Variants in ZNF592 observed in about 807,000 individuals in gnomAD.
The protein encoded by ZNF592 is spinocerebellar ataxia, autosomal recessive 5.
A neutral mutation model predicts 80.3 loss-of-function variants in ZNF592; 11 were observed. The observed-to-expected ratio is 0.14, with a 90% confidence interval of 0.09 to 0.23. ZNF592 has a LOEUF of 0.23. ZNF592 is among the 10% of genes least tolerant of loss of function. The probability of loss-of-function intolerance (pLI) is 1.00; values close to 1 mark genes in which losing one functional copy is unlikely to be tolerated. For synonymous variants in ZNF592, 646 were observed against 640.3 expected (o/e 1.01, Z -0.13); for missense variants, 1,420 against 1,633.9 (o/e 0.87, Z 2.26).
intron 5 of ZNF592, among the ~76,000 whole-genome samples, chr15:84,792,495 G>C (rs940686791): frequency 6.6e-6 from 1 of 152,174 alleles, no homozygotes; most frequent in Non-Finnish European, 1.5e-5. Context: ...CTGTCACCCA[G>C]GCTGGAGGGC....
At chr15:84,771,918 T>G (rs1313739386) in intron 2 of ZNF592, among the ~76,000 whole-genome samples, 1 of 152,148 alleles carries the variant, frequency 6.6e-6, no homozygotes, top group Non-Finnish European at 1.5e-5. Flanking sequence ...CAGTTAATTT[T>G]TATGTAGAAA....
chr15:84,799,264 G>A lies in ZNF592; in HGVS notation c.3137+54G>A, dbSNP rs997095600. 8.5e-6 allele frequency: 13 copies of A among 1,532,816 alleles called. No individual in the cohort carries two copies. Among genetic ancestry groups the A allele is most frequent in the East Asian group, 4.5e-5 (2 of 44,524 alleles). The allele number at this position is 1,532,816 out of a possible 1,614,324, so 95.0% of individuals were successfully genotyped here. On this transcript the variant is annotated intron_variant, in intron 9 of 10. Coordinates refer to ENST00000560079, the MANE Select transcript of ZNF592 (RefSeq NM_014630.3). This position sits in a 1 kb window ranked among gnomAD's most constrained non-coding sequence, Gnocchi z 4.2. ...GCCTGAGGTTCAAAAGACTCTGTCCGTGGCACCACTGGGGCTTTTCTGTGC... is the reference window on the plus strand; with the variant it reads ...GCCTGAGGTTCAAAAGACTCTGTCCATGGCACCACTGGGGCTTTTCTGTGC...
At chr15:84,791,008 A>G in intron 5 of ZNF592, 125 bp downstream of exon 5, 1 of 1,033,254 alleles carries the variant, frequency 9.7e-7, no homozygotes, top group Non-Finnish European at 1.5e-6. Flanking sequence ...GGACAAGAGC[A>G]TTGGATGGTA....
At chr15:84,776,126 A>G (rs911750499) in intron 2 of ZNF592, among the ~76,000 whole-genome samples, 5 of 152,160 alleles carry the variant, frequency 3.3e-5, no homozygotes, top group African/African-American at 7.2e-5. Flanking sequence ...GTTCTAGATC[A>G]CTCAGTGAGC....
chr15:84,786,921 G>A (rs975997683), intron 4 of ZNF592, among the ~76,000 whole-genome samples: 1 of 146,330 alleles, frequency 6.8e-6, no homozygotes, highest in African/African-American at 2.6e-5. Flanking sequence ...TGCGATCTCG[G>A]CCCACTGCAG....
Position 84,797,850 on chromosome 15 carries a change from C to T in ZNF592, c.2400-19C>T. ...TCCCTATACTCCACCCACACTCACA[C>T]TACCCCACTTCTGTCTAGGTGCATC... On this transcript the variant is annotated intron_variant, in intron 5 of 10. Transcript: ENST00000560079. The T allele has an allele frequency of 1.9e-6, 3 of 1,614,204 alleles. No homozygotes were observed. The highest frequency in any genetic ancestry group is 1.6e-4 in the Middle Eastern group (1 of 6,062).
At chr15:84,757,450 A>G (rs975286057) in intron 1 of ZNF592, among the ~76,000 whole-genome samples, 1 of 151,440 alleles carries the variant, frequency 6.6e-6, no homozygotes, top group African/African-American at 2.4e-5. Flanking sequence ...GGCTCAAACA[A>G]TCCTTACACC....
At chr15:84,790,508 C>T (rs1393234966) in intron 4 of ZNF592, among the ~76,000 whole-genome samples, 197 bp from the exon 5 acceptor site, 2 of 152,130 alleles carry the variant, frequency 1.3e-5, no homozygotes, top group Admixed American at 6.5e-5. Flanking sequence ...GGGTGTCAGA[C>T]AAAGCTTGCT....
chr15:84,784,610 C>T lies in ZNF592; in HGVS notation c.1935C>T (p.Val645=). 4 of 1,614,222 alleles carry T rather than the reference C, an allele frequency of 2.5e-6. No individual in the cohort carries two copies. Among genetic ancestry groups the T allele is most frequent in the African/African-American group, 2.7e-5 (2 of 75,052 alleles). ...GTGACCACAAGAGCAAGGGGCTCGT[C>T]ATGCAGTGTTCCCAGCTGCTGGTGA... is the stretch of plus-strand genomic sequence containing the variant. ...HARDHKSKGL[V]MQCSQLLVKP... The change falls in exon 4 of 11, where the codon GTC becomes GTT. Residue 645 remains valine, a synonymous_variant. Transcript: ENST00000560079. The surrounding 1 kb of genome is among the most constrained non-coding windows in gnomAD (Gnocchi z 5.8).
At chr15:84,789,865 A>C (rs931722020) in intron 4 of ZNF592, among the ~76,000 whole-genome samples, 1 of 152,164 alleles carries the variant, frequency 6.6e-6, no homozygotes. Flanking sequence ...GAAGTTAAGA[A>C]GGGCCTCTCC....
At chr15:84,800,413 T>C (rs1963057761) in intron 10 of ZNF592, among the ~76,000 whole-genome samples, 1 of 152,196 alleles carries the variant, frequency 6.6e-6, no homozygotes, top group Non-Finnish European at 1.5e-5. Context: ...CCTTCTATCC[T>C]GGCCCCTTGC....
chr15:84,764,894 T>C (rs1333022134), intron 2 of ZNF592, 79 bp downstream of exon 2: 1 of 291,324 alleles, frequency 3.4e-6, no homozygotes, highest in East Asian at 4.3e-5. Flanking sequence ...CCCTGGATTT[T>C]GTTTTGTTTT....
rs1474770726 is a variant in ZNF592, at chr15:84,784,751, C to G, written c.2076C>G (p.Pro692=). The part of the protein sequence containing the change: ...KHGLTSGSAS[P]PPPALPLYPD... ...GCCTCACTTCGGGCAGTGCCAGTCC[C>G]CCTCCTCCAGCCTTGCCACTCTACC... The change falls in exon 4 of 11, where the codon CCC becomes CCG. Residue 692 remains proline, a synonymous_variant. Transcript: ENST00000560079. This position sits in a 1 kb window ranked among gnomAD's most constrained non-coding sequence, Gnocchi z 5.8. 3 of 1,614,034 alleles carry G rather than the reference C, an allele frequency of 1.9e-6. No homozygotes were observed. In the African/African-American group the frequency reaches 4.0e-5, roughly 22 times the overall value.
intron 2 of ZNF592, among the ~76,000 whole-genome samples, chr15:84,777,475 C>CAAAAAAA (rs549871970): frequency 1.8e-5 from 1 of 55,118 alleles, no homozygotes; most frequent in Non-Finnish European, 3.6e-5. Context: ...GACTCCGTCT[C>CAAAAAAA]AAAAAAAAAA....
intron 2 of ZNF592, among the ~76,000 whole-genome samples, chr15:84,775,084 GTTTTC>G (rs1567065343): frequency 6.6e-6 from 1 of 151,328 alleles, no homozygotes; most frequent in African/African-American, 2.4e-5. Context: ...CCTGGCCACT[GTTTTC>G]TTTTTCTTTT....
chr15:84,790,499 G>A (rs1388176428), intron 4 of ZNF592, among the ~76,000 whole-genome samples: 1 of 152,166 alleles, frequency 6.6e-6, no homozygotes, highest in Non-Finnish European at 1.5e-5. Context: ...TGATTAATAG[G>A]GTGTCAGACA....
rs367732184 is a variant in ZNF592 at position 84,784,545 on chromosome 15, C to T, written c.1870C>T (p.Leu624=). 1 of 1,614,108 alleles carries T rather than the reference C, an allele frequency of 6.2e-7. No individual in the cohort carries two copies. Among genetic ancestry groups the T allele is most frequent in the African/African-American group, 1.3e-5 (1 of 74,936 alleles). The change falls in exon 4 of 11, where the codon CTG becomes TTG. Residue 624 remains leucine (L), a synonymous_variant. Coordinates refer to ENST00000560079, the MANE Select transcript of ZNF592 (RefSeq NM_014630.3). This position sits in a 1 kb window ranked among gnomAD's most constrained non-coding sequence, Gnocchi z 5.8. ...ACTGTGCACACTGTGCTCCAAGACG[C>T]TGCTCTTCTTCAACAAGTGCAGCCT... ...EVLCTLCSKT[L]LFFNKCSLLR...
intron 2 of ZNF592, among the ~76,000 whole-genome samples, chr15:84,767,859 TTTTA>T (rs1162275043): frequency 6.6e-6 from 1 of 150,496 alleles, no homozygotes; most frequent in Non-Finnish European, 1.5e-5. Context: ...TTTTCTTTTT[TTTTA>T]TTTGTTTCTT....
At position 84,805,408 on chromosome 15, in the gene ZNF592, A is replaced by G. The variant is rs1304495531; in HGVS notation, c.*3015A>G. The G allele has an allele frequency of 2.0e-5, 3 of 152,470 alleles. No individual in the cohort carries two copies. Among genetic ancestry groups the G allele is most frequent in the Non-Finnish European group, 4.4e-5 (3 of 68,042 alleles). The allele number at this position is 152,470 out of a possible 1,614,324, so 9.4% of individuals were successfully genotyped here. A position where few individuals can be genotyped will look rare whatever the true frequency, so the allele number is the denominator to read the frequency against. ...CTTGCTGTAACAAGCGTTTATCTGC[A>G]CATTATGCTGCAGTGAATGCTCTAC... On this transcript the variant is annotated 3_prime_UTR_variant, in exon 11 of 11. Transcript: ENST00000560079.
Sources: allele counts gnomAD v4.1 joint callset (sites outside exome capture counted in the v4.1 genomes callset), GRCh38; gene constraint gnomAD v4.1.1; non-coding constraint Gnocchi (gnomAD v3.1); transcripts MANE v1.5; gene names NCBI Gene and HGNC (gene_info 2026-07-23, HGNC 2026-07-21).